Variants in NBR1 observed in about 807,000 individuals in gnomAD.
The protein encoded by NBR1 is next to BRCA1 gene 1 protein.
Under a neutral mutation model 115.5 loss-of-function variants are expected in NBR1, and 59 were observed. The observed-to-expected ratio is 0.51, with a 90% confidence interval of 0.41 to 0.63. The LOEUF (loss-of-function observed/expected upper bound fraction) is 0.63, where lower values mean the gene tolerates loss of function less well. Ranked by LOEUF, NBR1 falls within the 30% of genes least tolerant of loss-of-function variation. The pLI is 0.00. For missense variants in NBR1, 1,043 were observed against 1,150.5 expected, an observed-to-expected ratio of 0.91 and a Z score of 1.35; for synonymous variants, 373 against 414.7, an observed-to-expected ratio of 0.90 and a Z score of 1.22.
Position 43,200,187 on chromosome 17 carries a change from G to A in NBR1, c.2047G>A (p.Gly683Arg). ...TTTAGTGACATTTGCCTTGCCTGAAGGACCACTTGGAAATGAGAAGGAGGA... is the reference window on the plus strand; with the variant it reads ...TTTAGTGACATTTGCCTTGCCTGAAAGACCACTTGGAAATGAGAAGGAGGA... ...SLQMTFALPE[G>R]PLGNEKEEII... The change falls in exon 17 of 21, where the codon GGA (glycine) becomes AGA (arginine). Residue 683 changes from glycine to arginine, a missense_variant. Transcript: ENST00000590996. 1 of 1,548,742 alleles carries A rather than the reference G, an allele frequency of 6.5e-7. No homozygotes were observed. Among genetic ancestry groups the A allele is most frequent in the Non-Finnish European group, 8.7e-7 (1 of 1,144,722 alleles).
chr17:43,184,242 TA>T (rs1343676570), intron 5 of NBR1, among the ~76,000 whole-genome samples: 17 of 150,812 alleles, frequency 1.1e-4, no homozygotes, highest in Non-Finnish European at 1.5e-5. Flanking sequence ...TTTTTTTTTT[TA>T]ATAGAGACAG....
chr17:43,202,523 T>TAAA, intron 18 of NBR1, 132 bp from the exon 19 acceptor site: 10 of 487,476 alleles, frequency 2.1e-5, no homozygotes, highest in South Asian at 9.8e-5. Flanking sequence ...CCAAATACTT[T>TAAA]AAAAAAAAAA....
intron 20 of NBR1, among the ~76,000 whole-genome samples, chr17:43,205,405 G>C (rs2057294455): frequency 6.6e-6 from 1 of 152,192 alleles, no homozygotes; most frequent in Non-Finnish European, 1.5e-5. Context: ...AAACACTTCA[G>C]CCTGGTGTGC....
rs776209362 is a variant in NBR1 at position 43,200,252 on chromosome 17, G to GGAGGAGGAT, written c.2130_2138dup (p.Asp710_Glu712dup). 9 of 1,551,730 alleles carry GGAGGAGGAT rather than the reference G, an allele frequency of 5.8e-6. No individual in the cohort carries two copies. Among genetic ancestry groups the GGAGGAGGAT allele is most frequent in the Admixed American group, 3.9e-5 (2 of 51,004 alleles). On this transcript the variant is annotated inframe_insertion, in exon 17 of 21. Coordinates refer to ENST00000590996, the MANE Select transcript of NBR1 (RefSeq NM_005899.5). ...CTGAGGAAGAAGCTGTCATGGAGGA[G>GGAGGAGGAT]GAGGAGGATGAGGAGGATGAGGAGG... is the stretch of plus-strand genomic sequence containing the variant.
At chr17:43,191,773 G>A (rs1475549281) in intron 10 of NBR1, among the ~76,000 whole-genome samples, 192 bp downstream of exon 10, 1 of 152,216 alleles carries the variant, frequency 6.6e-6, no homozygotes, top group East Asian at 1.9e-4. Flanking sequence ...CCAGGCGGTA[G>A]TGCAGTGGTG....
At chr17:43,180,875 T>G (rs1457876170) in intron 5 of NBR1, 58 bp downstream of exon 5, 1 of 1,296,330 alleles carries the variant, frequency 7.7e-7, no homozygotes, top group Non-Finnish European at 9.9e-7. Context: ...ATGGGTTGGT[T>G]TTTTTTCTTT....
chr17:43,205,405 G>T (rs2057294455), intron 20 of NBR1, among the ~76,000 whole-genome samples: 1 of 152,192 alleles, frequency 6.6e-6, no homozygotes, highest in Non-Finnish European at 1.5e-5. Flanking sequence ...AAACACTTCA[G>T]CCTGGTGTGC....
chr17:43,189,526 C>A, intron 7 of NBR1, 62 bp from the exon 8 acceptor site: 1 of 1,189,184 alleles, frequency 8.4e-7, no homozygotes, highest in Middle Eastern at 1.9e-4. Flanking sequence ...CTATTGATAT[C>A]TTCACATTTT....
chr17:43,190,352 A>G (rs2056914325), intron 8 of NBR1: 1 of 460,668 alleles, frequency 2.2e-6, no homozygotes, highest in East Asian at 4.6e-5. Flanking sequence ...GATTACAGAC[A>G]TGAGCCACTG....
chr17:43,177,198 T>C (rs1466172884), intron 2 of NBR1, among the ~76,000 whole-genome samples: 2 of 145,364 alleles, frequency 1.4e-5, no homozygotes, highest in Non-Finnish European at 3.0e-5. Context: ...GCTTGAGTGC[T>C]GGAGGTTGAG....
intron 1 of NBR1, among the ~76,000 whole-genome samples, chr17:43,172,168 A>C (rs1336299475): frequency 6.6e-6 from 1 of 152,248 alleles, no homozygotes; most frequent in Non-Finnish European, 1.5e-5. Flanking sequence ...AGACCCAGCT[A>C]TCTGACTCTA....
Position 43,191,353 on chromosome 17 carries a change from T to C in NBR1, c.864-19T>C. 1 of 1,579,212 alleles carries C rather than the reference T, an allele frequency of 6.3e-7. No individual in the cohort carries two copies. The highest frequency in any genetic ancestry group is 8.7e-7 in the Non-Finnish European group (1 of 1,153,766). On this transcript the variant is annotated intron_variant, in intron 9 of 20. Coordinates refer to ENST00000590996, the MANE Select transcript of NBR1 (RefSeq NM_005899.5). ...TTATTTGTGACTTTCTTTTAAGACT[T>C]GCTTTTATTATCTCACAGGCTCCAG...
At chr17:43,181,304 A>G (rs1403540285) in intron 5 of NBR1, among the ~76,000 whole-genome samples, 2 of 152,262 alleles carry the variant, frequency 1.3e-5, no homozygotes, top group Non-Finnish European at 2.9e-5. Flanking sequence ...AAGGCAATTC[A>G]TAATAAAAAG....
chr17:43,183,332 T>G (rs1169618449), intron 5 of NBR1, among the ~76,000 whole-genome samples: 1 of 151,726 alleles, frequency 6.6e-6, no homozygotes, highest in Non-Finnish European at 1.5e-5. Flanking sequence ...GCAGTTCTCC[T>G]GCCTCAGCCT....
At chr17:43,194,325 T>G (rs766356144) in intron 12 of NBR1, 25 bp from the exon 13 acceptor site, 31 of 1,590,944 alleles carry the variant, frequency 1.9e-5, no homozygotes, top group Non-Finnish European at 2.6e-5. Flanking sequence ...GGCCTAAAAT[T>G]TGTCTCAATG....
At chr17:43,207,691 C>T (rs894663578) in intron 20 of NBR1, among the ~76,000 whole-genome samples, 5 of 152,212 alleles carry the variant, frequency 3.3e-5, no homozygotes, top group Non-Finnish European at 7.3e-5. Flanking sequence ...ACATTACTTA[C>T]AATACCCAAT....
chr17:43,191,877 C>T lies in NBR1; in HGVS notation c.1073+296C>T, dbSNP rs979828724. Reference sequence around the variant, plus strand: ...CTGGGACTACAAGCACCCGCCACCACGCCTGGCTAATTTTTTGTATTTTTA... The same window carrying T: ...CTGGGACTACAAGCACCCGCCACCATGCCTGGCTAATTTTTTGTATTTTTA... On this transcript the variant is annotated intron_variant, in intron 10 of 20. Transcript: ENST00000590996. Among the ~76,000 whole-genome samples, 5 of 151,462 alleles carry T rather than the reference C, an allele frequency of 3.3e-5. No homozygotes were observed. In the South Asian group the frequency reaches 8.4e-4, roughly 25 times the overall value.
chr17:43,201,853 C>G (rs1271302551), intron 18 of NBR1, 73 bp downstream of exon 18: 2 of 865,174 alleles, frequency 2.3e-6, no homozygotes, highest in African/African-American at 3.4e-5. Context: ...AATAGCCTCT[C>G]TCTCTTCGTG....
chr17:43,193,987 A>G (rs1286143499), intron 12 of NBR1, among the ~76,000 whole-genome samples: 1 of 152,094 alleles, frequency 6.6e-6, no homozygotes, highest in East Asian at 1.9e-4. Context: ...CTCCTGAAAT[A>G]CCCTGTGTAT....
Sources: gnomAD v4.1 joint callset for allele counts (sites outside exome capture counted in the v4.1 genomes callset) on GRCh38, gnomAD v4.1.1 for gene constraint, MANE v1.5 for transcripts, NCBI Gene and HGNC (gene_info 2026-07-23, HGNC 2026-07-21) for gene names.